Variants in DCAF1 observed in about 807,000 individuals in gnomAD.
DCAF1 encodes DDB1- and CUL4-associated factor 1.
A neutral mutation model predicts 128.0 loss-of-function variants in DCAF1; 15 were observed. That is an observed-to-expected ratio of 0.12 (90% CI 0.08 to 0.18). DCAF1 has a LOEUF of 0.18. DCAF1 is among the 10% of genes least tolerant of loss of function. The pLI is 1.00. For missense variants in DCAF1, 988 were observed against 1,649.5 expected (o/e 0.60, Z 6.95); for synonymous variants, 610 against 603.0 (o/e 1.01, Z -0.17).
chr3:51,474,181 G>C (rs1553649571), intron 3 of DCAF1, among the ~76,000 whole-genome samples: 1 of 152,048 alleles, frequency 6.6e-6, no homozygotes, highest in Non-Finnish European at 1.5e-5. Flanking sequence ...CACTTTGGGA[G>C]GCTGAGGCGG....
intron 4 of DCAF1, among the ~76,000 whole-genome samples, chr3:51,468,684 C>T (rs1381978234): frequency 1.3e-5 from 2 of 151,974 alleles, no homozygotes; most frequent in Non-Finnish European, 1.5e-5. Flanking sequence ...AAACAAGGAC[C>T]GTAGTTACCT....
At chr3:51,480,104 T>TAA (rs782106577) in intron 3 of DCAF1, among the ~76,000 whole-genome samples, 4 of 93,174 alleles carry the variant, frequency 4.3e-5, no homozygotes, top group Non-Finnish European at 4.5e-5. Flanking sequence ...ACCCTGTCAC[T>TAA]AAAAAAAAAA....
chr3:51,441,585 C>T lies in DCAF1; in HGVS notation c.826G>A (p.Glu276Lys). Residue 276 changes from glutamate (E) to lysine (K), a missense_variant, in exon 8 of 25, where the codon GAG becomes AAG. Glu to Lys is a moderately conservative substitution (Grantham distance 56). Coordinates refer to ENST00000684031, the MANE Select transcript of DCAF1 (RefSeq NM_001387579.1). The part of the protein sequence containing the change: ...KNKSAKQGDR[E>K]NFRKAKQKLG... ...TTTTGCTTGGCTTTCCTAAAGTTCT[C>T]TCTGTCACCCTGTTTTGCTGACTTG... 6.2e-7 allele frequency: 1 copy of T among 1,614,016 alleles called. No individual in the cohort carries two copies. The highest frequency in any genetic ancestry group is 8.5e-7 in the Non-Finnish European group (1 of 1,179,890).
chr3:51,425,075 ATT>A (rs1236165737), intron 13 of DCAF1, among the ~76,000 whole-genome samples: 1 of 152,186 alleles, frequency 6.6e-6, no homozygotes, highest in African/African-American at 2.4e-5. Flanking sequence ...GCTAAGAGTA[ATT>A]TTCTTTTCTC....
chr3:51,463,956 G>A (rs1208822731), intron 5 of DCAF1, among the ~76,000 whole-genome samples: 1 of 152,110 alleles, frequency 6.6e-6, no homozygotes, highest in Non-Finnish European at 1.5e-5. Flanking sequence ...CCAGTCTCAA[G>A]TGATCCTCCA....
Position 51,419,948 on chromosome 3 carries a change from T to C in DCAF1, c.3022A>G (p.Ile1008Val), listed in dbSNP as rs1699244522. The C allele has an allele frequency of 6.2e-7, 1 of 1,613,914 alleles. No homozygotes were observed. Among genetic ancestry groups the C allele is most frequent in the Non-Finnish European group, 8.5e-7 (1 of 1,179,896 alleles). The stretch of plus-strand genomic sequence containing the variant: ...TGTTGTTCTCTAAGATACTCTGTGA[T>C]TATACTGTCCAGCGTAGGTGGGGAA... ...LPSPPTLDSI[I>V]TEYLREQHAR... is the part of the protein sequence containing the mutation. The change falls in exon 15 of 25, where the codon ATC becomes GTC. Residue 1008 changes from isoleucine to valine, a missense_variant. Coordinates refer to ENST00000684031, the MANE Select transcript of DCAF1 (RefSeq NM_001387579.1).
intron 3 of DCAF1, among the ~76,000 whole-genome samples, chr3:51,473,848 G>A (rs1292051857): frequency 1.3e-5 from 2 of 151,728 alleles, no homozygotes; most frequent in Non-Finnish European, 2.9e-5. Flanking sequence ...CTGTCACCCA[G>A]GCTGGAGTGC....
At chr3:51,457,802 C>G (rs1703087686) in intron 6 of DCAF1, among the ~76,000 whole-genome samples, 1 of 152,158 alleles carries the variant, frequency 6.6e-6, no homozygotes, top group Non-Finnish European at 1.5e-5. Context: ...AATCTCATAT[C>G]CAGCCAAACT....
At chr3:51,476,898 G>A (rs1443780341) in intron 3 of DCAF1, among the ~76,000 whole-genome samples, 7 of 151,244 alleles carry the variant, frequency 4.6e-5, no homozygotes, top group Admixed American at 3.3e-4. Context: ...CCTGGCCAAC[G>A]TGGTAAAACC....
chr3:51,414,526 G>A (rs1698709008), intron 19 of DCAF1, 98 bp downstream of exon 19: 2 of 1,485,548 alleles, frequency 1.3e-6, no homozygotes, highest in South Asian at 1.3e-5. Flanking sequence ...TACCAGTGTG[G>A]ACACTTTAAC....
chr3:51,471,361 T>C (rs1225589774), intron 3 of DCAF1, among the ~76,000 whole-genome samples: 1 of 151,786 alleles, frequency 6.6e-6, no homozygotes, highest in Non-Finnish European at 1.5e-5. Context: ...CTTTCTGTAC[T>C]TTTAGTAGAG....
At chr3:51,469,274 A>G (rs1704476447) in intron 4 of DCAF1, among the ~76,000 whole-genome samples, 1 of 121,646 alleles carries the variant, frequency 8.2e-6, no homozygotes, top group Non-Finnish European at 1.6e-5. Context: ...CTTCTTGTCC[A>G]GGCTGGAGTT....
At chr3:51,503,601 C>A (rs758260408), upstream of DCAF1, among the ~76,000 whole-genome samples, 10 of 152,148 alleles carry the variant, frequency 6.6e-5, no homozygotes, top group Non-Finnish European at 1.3e-4. Flanking sequence ...CTGCAAGTGT[C>A]CAGCAGTGTC....
chr3:51,437,106 T>A (rs980897704), intron 9 of DCAF1, among the ~76,000 whole-genome samples: 13 of 150,208 alleles, frequency 8.7e-5, no homozygotes, highest in South Asian at 8.4e-4. Flanking sequence ...CCACAAAAAA[T>A]AAAAAAAGTA....
intron 6 of DCAF1, among the ~76,000 whole-genome samples, chr3:51,449,943 C>T (rs567963500): frequency 2.4e-4 from 37 of 152,070 alleles, no homozygotes; most frequent in Middle Eastern, 3.2e-3. Context: ...AACAGAAAAA[C>T]TAAATAGACC....
At chr3:51,435,814 G>A (rs1559507577) in intron 9 of DCAF1, among the ~76,000 whole-genome samples, 1 of 151,868 alleles carries the variant, frequency 6.6e-6, no homozygotes, top group South Asian at 2.1e-4. Flanking sequence ...TGTATCCCTC[G>A]TACCTGAACA....
At chr3:51,497,758 C>A (rs1205690163) in intron 1 of DCAF1, among the ~76,000 whole-genome samples, 1 of 152,044 alleles carries the variant, frequency 6.6e-6, no homozygotes, top group African/African-American at 2.4e-5. Context: ...TAGCCTGTGA[C>A]TGCGGTCCTA....
upstream of DCAF1, among the ~76,000 whole-genome samples, chr3:51,501,830 A>G (rs1182689221): frequency 6.6e-6 from 1 of 152,004 alleles, no homozygotes; most frequent in Non-Finnish European, 1.5e-5. Flanking sequence ...GGCCAGTACC[A>G]TTTCTTTCAA....
intron 3 of DCAF1, among the ~76,000 whole-genome samples, chr3:51,483,329 A>C (rs1553653726): frequency 6.6e-6 from 1 of 151,606 alleles, no homozygotes; most frequent in African/African-American, 2.4e-5. Context: ...AATCCCAGCT[A>C]CTTGGGAGGC....
Sources: allele counts gnomAD v4.1 joint callset (sites outside exome capture counted in the v4.1 genomes callset), GRCh38; gene constraint gnomAD v4.1.1; transcripts MANE v1.5; gene names NCBI Gene and HGNC (gene_info 2026-07-23, HGNC 2026-07-21).